The following PCDHGA2 variants were observed in gnomAD, a reference collection of about 807,000 sequenced individuals.
PCDHGA2 encodes the protein protocadherin gamma subfamily A, 2, also known as protocadherin gamma-A2.
A neutral mutation model predicts 59.2 loss-of-function variants in PCDHGA2; 40 were observed. That is an observed-to-expected ratio of 0.68 (90% CI 0.52 to 0.88). PCDHGA2 has a LOEUF of 0.88. Ranked by LOEUF, PCDHGA2 falls within the 40% of genes least tolerant of loss-of-function variation. PCDHGA2 has a pLI of 0.00. For missense variants in PCDHGA2, 1,226 were observed against 1,204.0 expected, an observed-to-expected ratio of 1.02 and a Z score of -0.27; for synonymous variants, 560 against 526.0, an observed-to-expected ratio of 1.06 and a Z score of -0.89.
chr5:141,420,099 C>T (rs750814136), intron 1 of PCDHGA2: 4 of 1,613,996 alleles, frequency 2.5e-6, no homozygotes, highest in South Asian at 2.2e-5. Flanking sequence ...AGTGAGGGAA[C>T]GTTGCCCTAT....
chr5:141,403,080 A>G, intron 1 of PCDHGA2: 2 of 1,614,078 alleles, frequency 1.2e-6, no homozygotes, highest in Non-Finnish European at 1.7e-6. Flanking sequence ...GAAAAGGGCT[A>G]TATTGTGGGC....
rs1458221680 is a variant in PCDHGA2, at chr5:141,339,475, G to A, written c.504G>A (p.Gln168=). 2 of 1,614,216 alleles carry A rather than the reference G, an allele frequency of 1.2e-6. No individual in the cohort carries two copies. The highest frequency in any genetic ancestry group is 2.2e-5 in the South Asian group (2 of 91,078). ...HDADVGENAL[Q]KYALNPNDHF... is the part of the protein sequence containing the mutation. Reference sequence around the variant, plus strand: ...CAGACGTAGGTGAGAACGCCCTTCAGAAGTACGCACTCAACCCAAATGACC... The same window carrying A: ...CAGACGTAGGTGAGAACGCCCTTCAAAAGTACGCACTCAACCCAAATGACC... Residue 168 remains glutamine, a synonymous_variant, in exon 1 of 4, where the codon CAG becomes CAA. Transcript: ENST00000394576.
intron 1 of PCDHGA2, chr5:141,384,047 C>T (rs775378618): frequency 4.3e-6 from 7 of 1,612,190 alleles, no homozygotes; most frequent in African/African-American, 1.3e-5. Flanking sequence ...GGTGAGGTGA[C>T]CTGCACCATT....
intron 1 of PCDHGA2, chr5:141,421,044 C>CGCCT (rs891153203): frequency 6.4e-5 from 35 of 548,614 alleles, no homozygotes; most frequent in African/African-American, 6.0e-4. Context: ...CTCCCTCCCC[C>CGCCT]GCCTCTACCA....
At position 141,491,291 on chromosome 5, in the gene PCDHGA2, C is replaced by G; in HGVS notation, c.2425-3516C>G. On this transcript the variant is annotated intron_variant, in intron 1 of 3. Coordinates refer to ENST00000394576, the MANE Select transcript of PCDHGA2 (RefSeq NM_018915.4). The surrounding 1 kb of genome is among the most constrained non-coding windows in gnomAD (Gnocchi z 6.9). ...AAATCCAGTGACTTCCTCATACACCCTCCTGAGCGTTCAGACCTTACCCTT... is the reference window on the plus strand; with the variant it reads ...AAATCCAGTGACTTCCTCATACACCGTCCTGAGCGTTCAGACCTTACCCTT... 2 of 1,614,152 alleles carry G rather than the reference C, an allele frequency of 1.2e-6. No homozygotes were observed. The highest frequency in any genetic ancestry group is 1.7e-6 in the Non-Finnish European group (2 of 1,179,974).
intron 1 of PCDHGA2, chr5:141,415,488 C>T: frequency 1.9e-6 from 3 of 1,614,220 alleles, no homozygotes; most frequent in Non-Finnish European, 2.5e-6. Context: ...GAAAGAGTCA[C>T]CTGATCTTCC....
chr5:141,397,985 C>A (rs1034752721), intron 1 of PCDHGA2: 3 of 1,315,640 alleles, frequency 2.3e-6, no homozygotes, highest in Non-Finnish European at 2.1e-6. Context: ...GGCCTTTACA[C>A]CGCTTCCTCC....
chr5:141,433,209 T>A, intron 1 of PCDHGA2: 3 of 465,024 alleles, frequency 6.5e-6, no homozygotes, highest in South Asian at 1.0e-4. Context: ...ATCTTCTTTC[T>A]TTTTTTTTTT....
intron 1 of PCDHGA2, chr5:141,382,835 CG>C: frequency 7.0e-7 from 1 of 1,431,186 alleles, no homozygotes. Context: ...GGGGTCCACC[CG>C]GATACACCCG....
At chr5:141,414,280 G>A (rs1448512468) in intron 1 of PCDHGA2, 2 of 1,613,604 alleles carry the variant, frequency 1.2e-6, no homozygotes, top group Admixed American at 1.7e-5. Context: ...TCTGGGAACA[G>A]TCGTAGCCCT....
chr5:141,361,794 C>T (rs1326854162), intron 1 of PCDHGA2: 1 of 1,613,214 alleles, frequency 6.2e-7, no homozygotes, highest in Non-Finnish European at 8.5e-7. Flanking sequence ...TGTTAGTGGG[C>T]GACCTCAATG....
rs768468594 is a variant in PCDHGA2 at position 141,339,259 on chromosome 5, C to A, written c.288C>A (p.Cys96Ter). 2 of 1,614,184 alleles carry A rather than the reference C, an allele frequency of 1.2e-6. No individual in the cohort carries two copies. Among genetic ancestry groups the A allele is most frequent in the Non-Finnish European group, 1.7e-6 (2 of 1,179,990 alleles). ...TANRIDREEL[C>*]AQSAPCLLNF... is the part of the protein sequence containing the mutation. ...ACAGGATAGACCGGGAGGAGCTCTG[C>A]GCTCAGAGCGCACCCTGTCTGTTGA... Residue 96 changes from cysteine (C) to a stop codon, truncating the protein, a stop_gained, in exon 1 of 4, where the codon TGC becomes TGA. Coordinates refer to ENST00000394576, the MANE Select transcript of PCDHGA2 (RefSeq NM_018915.4). LOFTEE classifies it high-confidence loss of function.
chr5:141,482,917 C>CA (rs761402624), intron 1 of PCDHGA2, among the ~76,000 whole-genome samples: 5 of 152,042 alleles, frequency 3.3e-5, no homozygotes, highest in Non-Finnish European at 7.4e-5. Context: ...ATTAAAAATA[C>CA]AAAAAATTAG....
chr5:141,394,741 T>G (rs767167411), intron 1 of PCDHGA2: 5 of 1,613,414 alleles, frequency 3.1e-6, no homozygotes, highest in Non-Finnish European at 4.2e-6. Context: ...CAGAGCCTCG[T>G]GGTGGCCGTC....
Position 141,339,589 on chromosome 5 carries a change from T to C in PCDHGA2, c.618T>C (p.Ala206=), listed in dbSNP as rs1341412719. 1.2e-6 allele frequency: 2 copies of C among 1,614,184 alleles called. No individual in the cohort carries two copies. The highest frequency in any genetic ancestry group is 3.3e-5 in the Admixed American group (2 of 60,024). Residue 206 remains alanine (A), a synonymous_variant, in exon 1 of 4, where the codon GCT becomes GCC. Coordinates refer to ENST00000394576, the MANE Select transcript of PCDHGA2 (RefSeq NM_018915.4). ...GCTCTCTGGACCGCGAGGAAGAGGC[T>C]GTTCACCACCTCGTTCTCGTGGCTT... The part of the protein sequence containing the change: ...LERSLDREEE[A]VHHLVLVASD...
chr5:141,412,554 C>T (rs2095562022), intron 1 of PCDHGA2: 1 of 152,094 alleles, frequency 6.6e-6, no homozygotes, highest in Non-Finnish European at 1.5e-5. Context: ...TGAATTATCT[C>T]ATGAGTTTAT....
intron 1 of PCDHGA2, among the ~76,000 whole-genome samples, chr5:141,463,684 G>C (rs2099066814): frequency 6.6e-6 from 1 of 151,910 alleles, no homozygotes; most frequent in African/African-American, 2.4e-5. Flanking sequence ...ATGACCTCGT[G>C]ATCTGCTCAC....
chr5:141,419,701 C>T (rs1268060859), intron 1 of PCDHGA2: 7 of 1,612,860 alleles, frequency 4.3e-6, no homozygotes, highest in Non-Finnish European at 5.9e-6. Flanking sequence ...CCAGTGAGCC[C>T]GGGCTCTTCA....
At chr5:141,346,368 C>A (rs1318566954) in intron 1 of PCDHGA2, 3 of 1,614,136 alleles carry the variant, frequency 1.9e-6, no homozygotes, top group Non-Finnish European at 2.5e-6. Flanking sequence ...TGCGGACACG[C>A]TCATCAGCCA....
Sources: gnomAD v4.1 joint callset for allele counts (sites outside exome capture counted in the v4.1 genomes callset) on GRCh38, gnomAD v4.1.1 for gene constraint, Gnocchi (gnomAD v3.1) non-coding constraint, MANE v1.5 for transcripts, NCBI Gene and HGNC (gene_info 2026-07-23, HGNC 2026-07-21) for gene names.